BIRC6: variants seen among roughly 807,000 people sequenced by gnomAD.
BIRC6 encodes the protein baculoviral IAP repeat containing 6.
Under a neutral mutation model 503.3 loss-of-function variants are expected in BIRC6, and 98 were observed. The observed-to-expected ratio is 0.19, with a 90% CI of 0.17 to 0.23. BIRC6 has a LOEUF of 0.23. Among genes scored for constraint, BIRC6 ranks in the 10% least tolerant of loss-of-function variants. The probability of loss-of-function intolerance (pLI) is 1.00; values close to 1 mark genes in which losing one functional copy is unlikely to be tolerated. For synonymous variants in BIRC6, 2,240 were observed against 2,078.7 expected, an observed-to-expected ratio of 1.08 and a Z score of -2.11; for missense variants, 5,360 against 5,806.0, an observed-to-expected ratio of 0.92 and a Z score of 2.50.
chr2:32,611,459 A>G lies in BIRC6; in HGVS notation c.14271A>G (p.Lys4757=). 5 of 1,607,338 alleles carry G rather than the reference A, an allele frequency of 3.1e-6. No individual in the cohort carries two copies. Among genetic ancestry groups the G allele is most frequent in the Non-Finnish European group, 4.3e-6 (5 of 1,175,948 alleles). Residue 4757 remains lysine (K), a synonymous_variant, in exon 73 of 74, where the codon AAA becomes AAG. Transcript: ENST00000421745. ...TACTTTTTCTCAAGGTAATACACAA[A>G]CATTTTTACTTGAAAAGAGTTGAGA... The part of the protein sequence containing the change: ...PSPCFKEVIH[K]HFYLKRVEIM...
At chr2:32,465,279 G>A (rs956957755) in intron 26 of BIRC6, 115 bp downstream of exon 26, 7 of 573,178 alleles carry the variant, frequency 1.2e-5, no homozygotes, top group Admixed American at 8.8e-5. Flanking sequence ...TGCAAATCGC[G>A]TTTCCTCTTG....
At chr2:32,364,451 C>G (rs1032700373) in intron 1 of BIRC6, among the ~76,000 whole-genome samples, 16 of 152,104 alleles carry the variant, frequency 1.1e-4, no homozygotes, top group Admixed American at 2.0e-4. Flanking sequence ...CCATGTTGGT[C>G]AGGCTGGTCT....
At chr2:32,600,611 ACTTG>A (rs2061990007) in intron 70 of BIRC6, among the ~76,000 whole-genome samples, 1 of 152,216 alleles carries the variant, frequency 6.6e-6, no homozygotes, top group Non-Finnish European at 1.5e-5. Flanking sequence ...CATTGACTTT[ACTTG>A]AGACACTGGA....
Position 32,415,274 on chromosome 2 carries a change from T to G in BIRC6, c.1983T>G (p.Gly661=), listed in dbSNP as rs866882801. 1 of 1,614,020 alleles carries G rather than the reference T, an allele frequency of 6.2e-7. No homozygotes were observed. The change falls in exon 10 of 74, where the codon GGT becomes GGG. Residue 661 remains glycine (G), a synonymous_variant. Transcript: ENST00000421745. ...TGAGTAAAAGTTTGCATGATGATGGTTTTACTGTTCCACAGATTATTGAAA... is the reference window on the plus strand; with the variant it reads ...TGAGTAAAAGTTTGCATGATGATGGGTTTACTGTTCCACAGATTATTGAAA... ...NIMSKSLHDD[G]FTVPQIIEME... is the part of the protein sequence containing the mutation.
chr2:32,414,009 C>T (rs1401237279), intron 9 of BIRC6, among the ~76,000 whole-genome samples: 3 of 152,080 alleles, frequency 2.0e-5, no homozygotes, highest in East Asian at 1.9e-4. Flanking sequence ...GAAAGTTTTC[C>T]GGCTGGGCAC....
intron 61 of BIRC6, among the ~76,000 whole-genome samples, chr2:32,539,462 T>C (rs2057491322): frequency 6.6e-6 from 1 of 152,162 alleles, no homozygotes; most frequent in South Asian, 2.1e-4. Context: ...TTAAAAACAT[T>C]AAAATCAAAC....
chr2:32,468,295 C>T (rs1477674515), intron 28 of BIRC6, 142 bp from the exon 29 acceptor site: 1 of 936,940 alleles, frequency 1.1e-6, no homozygotes, highest in South Asian at 1.8e-5. Context: ...TAATGGGCTC[C>T]ATTTATTAGT....
chr2:32,454,509 C>T (rs372169561), intron 23 of BIRC6, among the ~76,000 whole-genome samples: 1 of 150,754 alleles, frequency 6.6e-6, no homozygotes, highest in African/African-American at 2.4e-5. Flanking sequence ...GTAGGAAGAT[C>T]GGTATTTATT....
chr2:32,568,984 C>T (rs10180381), intron 65 of BIRC6, among the ~76,000 whole-genome samples: 137,942 of 144,776 alleles, frequency 0.95, 65,594 homozygotes, highest in East Asian at 1. Flanking sequence ...ATGTCTCTCT[C>T]TTTTTTTTTT....
chr2:32,372,848 AG>A (rs1156991904), intron 1 of BIRC6, among the ~76,000 whole-genome samples: 4 of 152,084 alleles, frequency 2.6e-5, no homozygotes, highest in Non-Finnish European at 5.9e-5. Flanking sequence ...ACAAAGAGAA[AG>A]AAAAAAAAAC....
intron 37 of BIRC6, among the ~76,000 whole-genome samples, chr2:32,480,660 A>C (rs559890218): frequency 4.4e-5 from 2 of 45,914 alleles, no homozygotes; most frequent in Admixed American, 3.4e-4. Context: ...TTTTTTTTTG[A>C]GACGGAGTCT....
chr2:32,518,489 G>A (rs924161039), intron 56 of BIRC6, 92 bp downstream of exon 56: 29 of 1,322,866 alleles, frequency 2.2e-5, no homozygotes, highest in Middle Eastern at 2.2e-4. Flanking sequence ...TTCTAACTTC[G>A]AGTATAGCAA....
At chr2:32,405,448 G>T (rs1249018344) in intron 8 of BIRC6, among the ~76,000 whole-genome samples, 6 of 152,126 alleles carry the variant, frequency 3.9e-5, no homozygotes, top group Non-Finnish European at 7.4e-5. Flanking sequence ...TTCAAACATT[G>T]CCTTGGAGTG....
chr2:32,519,046 C>A, intron 57 of BIRC6, 100 bp downstream of exon 57: 1 of 1,146,430 alleles, frequency 8.7e-7, no homozygotes, highest in Non-Finnish European at 1.2e-6. Context: ...CACTTTGCAA[C>A]CATTGATGAC....
At chr2:32,506,384 A>T (rs2053795043) in intron 50 of BIRC6, among the ~76,000 whole-genome samples, 1 of 152,236 alleles carries the variant, frequency 6.6e-6, no homozygotes, top group Non-Finnish European at 1.5e-5. Flanking sequence ...TACTTGTGGC[A>T]TCCACACTCC....
chr2:32,433,667 T>C lies in BIRC6; in HGVS notation c.3272T>C (p.Phe1091Ser). 6.4e-7 allele frequency: 1 copy of C among 1,572,132 alleles called. No homozygotes were observed. Among genetic ancestry groups the C allele is most frequent in the Non-Finnish European group, 8.7e-7 (1 of 1,150,780 alleles). ...AGCAACAGCTGGGATGAACATGTAT[T>C]TGAATTAGTACTACCTAAAGCTTGT... ...TDSNSWDEHV[F>S]ELVLPKACMV... The change falls in exon 13 of 74, where the codon TTT (phenylalanine) becomes TCT (serine). Residue 1091 changes from phenylalanine (F) to serine (S), a missense_variant. Physicochemically the swap from Phe to Ser is radical, Grantham distance 155. Coordinates refer to ENST00000421745, the MANE Select transcript of BIRC6 (RefSeq NM_016252.4).
intron 1 of BIRC6, among the ~76,000 whole-genome samples, chr2:32,369,203 G>C (rs938606953): frequency 7.2e-5 from 11 of 152,170 alleles, no homozygotes; most frequent in Non-Finnish European, 1.2e-4. Context: ...TGGAATTCGA[G>C]TTGGGCTGAC....
intron 5 of BIRC6, 89 bp downstream of exon 5, chr2:32,392,239 C>T: frequency 1.1e-6 from 1 of 944,060 alleles, no homozygotes; most frequent in East Asian, 2.7e-5. Context: ...TTTTCAGAAA[C>T]TTATTTTGTG....
At chr2:32,556,809 G>A (rs1389353352) in intron 65 of BIRC6, among the ~76,000 whole-genome samples, 3 of 151,980 alleles carry the variant, frequency 2.0e-5, no homozygotes, top group Non-Finnish European at 4.4e-5. Context: ...GTGGTGGACG[G>A]GCACCTGTAG....
Sources: allele counts gnomAD v4.1 joint callset (sites outside exome capture counted in the v4.1 genomes callset), GRCh38; gene constraint gnomAD v4.1.1; transcripts MANE v1.5; gene names NCBI Gene and HGNC (gene_info 2026-07-23, HGNC 2026-07-21).